Variants in PCDHGA7 observed in about 807,000 individuals in gnomAD.
The protein encoded by PCDHGA7 is protocadherin gamma-A7.
Under a neutral mutation model 58.3 loss-of-function variants are expected in PCDHGA7, and 44 were observed. The ratio of observed to expected loss-of-function variants is 0.75; its 90% confidence interval spans 0.59 to 0.97. The LOEUF is 0.97. Among genes scored for constraint, PCDHGA7 ranks in the 50% least tolerant of loss-of-function variants. The pLI is 0.00. For missense variants in PCDHGA7, 1,266 were observed against 1,188.7 expected (o/e 1.06, Z -0.96); for synonymous variants, 516 against 504.2 (o/e 1.02, Z -0.31).
intron 1 of PCDHGA7, among the ~76,000 whole-genome samples, chr5:141,463,346 C>G (rs963070531): frequency 6.7e-6 from 1 of 150,312 alleles, no homozygotes; most frequent in Non-Finnish European, 1.5e-5. Context: ...TGGTGTTATT[C>G]TTGGATTTCC....
chr5:141,467,095 C>G (rs930625426), intron 1 of PCDHGA7, among the ~76,000 whole-genome samples: 2 of 150,094 alleles, frequency 1.3e-5, no homozygotes, highest in African/African-American at 4.9e-5. Context: ...CTCTGTCACA[C>G]AGGCTGGAGT....
chr5:141,472,980 CA>C (rs60579131), intron 1 of PCDHGA7, among the ~76,000 whole-genome samples: 39,687 of 85,940 alleles, frequency 0.46, 5,633 homozygotes, highest in African/African-American at 0.56. Flanking sequence ...GAGTGAAACT[CA>C]AAAAAAAAAA....
intron 1 of PCDHGA7, chr5:141,403,093 C>T (rs1368239890): frequency 6.2e-7 from 1 of 1,614,072 alleles, no homozygotes; most frequent in Non-Finnish European, 8.5e-7. Flanking sequence ...TTGTGGGCAA[C>T]ATCTCCAAGG....
Position 141,432,108 on chromosome 5 carries a change from C to T in PCDHGA7, c.2424+46785C>T, listed in dbSNP as rs1432933024. The T allele has an allele frequency of 1.9e-6, 3 of 1,614,180 alleles. No homozygotes were observed. The highest frequency in any genetic ancestry group is 1.7e-5 in the Admixed American group (1 of 60,020). Reference sequence around the variant, plus strand: ...GTGGCAGACACCAACGACAACCCGCCGGTCTTCCCTCAGGCCTCCTATTCC... The same window carrying T: ...GTGGCAGACACCAACGACAACCCGCTGGTCTTCCCTCAGGCCTCCTATTCC... On this transcript the variant is annotated intron_variant, in intron 1 of 3. Coordinates refer to ENST00000518325, the MANE Select transcript of PCDHGA7 (RefSeq NM_018920.4). The surrounding 1 kb of genome is among the most constrained non-coding windows in gnomAD (Gnocchi z 6.0).
chr5:141,405,138 G>A (rs777486710), intron 1 of PCDHGA7: 4 of 1,613,962 alleles, frequency 2.5e-6, no homozygotes, highest in Non-Finnish European at 3.4e-6. Flanking sequence ...CGGGCTACCA[G>A]TGATGGGTTG....
intron 1 of PCDHGA7, among the ~76,000 whole-genome samples, chr5:141,454,065 G>A (rs1167102666): frequency 1.3e-5 from 2 of 152,204 alleles, no homozygotes; most frequent in Non-Finnish European, 2.9e-5. Flanking sequence ...AGAAACAAAA[G>A]TGATAATGTT....
At position 141,491,872 on chromosome 5, in the gene PCDHGA7, G is replaced by A; in HGVS notation, c.2425-2935G>A. On this transcript the variant is annotated intron_variant, in intron 1 of 3. Transcript: ENST00000518325. The surrounding 1 kb of genome is among the most constrained non-coding windows in gnomAD (Gnocchi z 6.9). ...CCGTTTGCGCGAAACCAGAGTGGCCGATTAAGGGATGGGGCTCCGAGCACC... is the reference window on the plus strand; with the variant it reads ...CCGTTTGCGCGAAACCAGAGTGGCCAATTAAGGGATGGGGCTCCGAGCACC... 6.9e-7 allele frequency: 1 copy of A among 1,452,190 alleles called. No individual in the cohort carries two copies. The highest frequency in any genetic ancestry group is 9.1e-7 in the Non-Finnish European group (1 of 1,098,644). The allele number at this position is 1,452,190 out of a possible 1,614,324, so 90.0% of individuals were successfully genotyped here.
intron 2 of PCDHGA7, among the ~76,000 whole-genome samples, chr5:141,502,857 ACT>A (rs1332453483): frequency 7.7e-5 from 7 of 91,446 alleles, no homozygotes; most frequent in African/African-American, 4.1e-4. Flanking sequence ...CCTAACCCTG[ACT>A]CTCTGTCTTT....
intron 1 of PCDHGA7, among the ~76,000 whole-genome samples, chr5:141,439,050 A>G (rs1353548752): frequency 1.3e-5 from 2 of 151,164 alleles, no homozygotes; most frequent in Non-Finnish European, 2.9e-5. Flanking sequence ...TAAGATTTCC[A>G]TATTGTGTGG....
chr5:141,507,522 C>G (rs560304194), intron 3 of PCDHGA7, among the ~76,000 whole-genome samples: 365 of 152,096 alleles, frequency 2.4e-3, no homozygotes, highest in African/African-American at 8.1e-3. Context: ...GCTATGATTC[C>G]AGAGAGGCCA....
At chr5:141,394,376 C>G (rs1407081878) in intron 1 of PCDHGA7, 29 of 1,614,222 alleles carry the variant, frequency 1.8e-5, no homozygotes, top group Non-Finnish European at 2.5e-5. Flanking sequence ...AATCTTTCGA[C>G]TATGAGCAGA....
chr5:141,453,050 C>A (rs2098754757), intron 1 of PCDHGA7, among the ~76,000 whole-genome samples: 3 of 152,006 alleles, frequency 2.0e-5, no homozygotes, highest in Non-Finnish European at 4.4e-5. Context: ...CTATTATGTG[C>A]AGTTTTAGAG....
At chr5:141,400,776 GT>G (rs1167512157) in intron 1 of PCDHGA7, 17 of 557,594 alleles carry the variant, frequency 3.0e-5, no homozygotes, top group East Asian at 1.8e-4. Flanking sequence ...CATTTGGTGC[GT>G]TTTTTTGTCC....
chr5:141,384,442 T>G lies in PCDHGA7; in HGVS notation c.1543T>G (p.Tyr515Asp). Residue 515 changes from tyrosine (Y) to aspartate (D), a missense_variant, in exon 1 of 4, where the codon TAC (tyrosine) becomes GAC (aspartate). Coordinates refer to ENST00000518325, the MANE Select transcript of PCDHGA7 (RefSeq NM_018920.4). ...VSINSDTGVLYALQSFDYEQL... is the reference protein window; with the variant it reads ...VSINSDTGVLDALQSFDYEQL... ...CATAAACTCTGACACTGGAGTCCTG[T>G]ACGCGCTGCAATCCTTTGATTATGA... The G allele has an allele frequency of 9.3e-6, 15 of 1,614,046 alleles. No homozygotes were observed. Among genetic ancestry groups the G allele is most frequent in the Non-Finnish European group, 1.3e-5 (15 of 1,179,920 alleles).
At position 141,473,311 on chromosome 5, in the gene PCDHGA7, A is replaced by G. The variant is rs139053997; in HGVS notation, c.2425-21496A>G. On this transcript the variant is annotated intron_variant, in intron 1 of 3. Coordinates refer to ENST00000518325, the MANE Select transcript of PCDHGA7 (RefSeq NM_018920.4). ...TCAGTAGCATAAAGATTGCTATATTAATAAGCATTAAGTGCCTGCTGTGCT... is the reference window on the plus strand; with the variant it reads ...TCAGTAGCATAAAGATTGCTATATTGATAAGCATTAAGTGCCTGCTGTGCT... Among the ~76,000 whole-genome samples, 1,321 of 152,342 alleles carry G rather than the reference A, an allele frequency of 8.7e-3. 28 individuals carry two copies. Among genetic ancestry groups the G allele is most frequent in the African/African-American group, 0.03 (1,236 of 41,582 alleles).
At chr5:141,478,425 A>G (rs1454100826) in intron 1 of PCDHGA7, 1 of 1,613,542 alleles carries the variant, frequency 6.2e-7, no homozygotes, top group African/African-American at 1.3e-5. Context: ...CGCCGCAGCG[A>G]CCCGCTGCTG....
At chr5:141,425,695 T>G (rs1329762653) in intron 1 of PCDHGA7, among the ~76,000 whole-genome samples, 1 of 152,232 alleles carries the variant, frequency 6.6e-6, no homozygotes, top group African/African-American at 2.4e-5. Context: ...TATCATTTCA[T>G]AGTGGTCAAA....
At chr5:141,402,202 A>G (rs1223519214) in intron 1 of PCDHGA7, among the ~76,000 whole-genome samples, 1 of 152,138 alleles carries the variant, frequency 6.6e-6, no homozygotes. Flanking sequence ...CTTTTATAAT[A>G]CAAAAATTTA....
At chr5:141,501,402 G>A (rs527659990) in intron 2 of PCDHGA7, among the ~76,000 whole-genome samples, 5 of 151,740 alleles carry the variant, frequency 3.3e-5, no homozygotes, top group Non-Finnish European at 7.4e-5. Flanking sequence ...ACAGGCCACT[G>A]CTTGGAAAAT....
Sources: allele counts gnomAD v4.1 joint callset (sites outside exome capture counted in the v4.1 genomes callset), GRCh38; gene constraint gnomAD v4.1.1; non-coding constraint Gnocchi (gnomAD v3.1); transcripts MANE v1.5; gene names NCBI Gene and HGNC (gene_info 2026-07-23, HGNC 2026-07-21).